LATS2: variants seen among roughly 807,000 people sequenced by gnomAD.
The protein encoded by LATS2 is serine/threonine-protein kinase LATS2.
Under a neutral mutation model 76.0 loss-of-function variants are expected in LATS2, and 24 were observed. That is an observed-to-expected ratio of 0.32 (90% CI 0.23 to 0.44). The LOEUF is 0.44. Among genes scored for constraint, LATS2 ranks in the 20% least tolerant of loss-of-function variants. The pLI is 1.00. For missense variants in LATS2, 1,286 were observed against 1,481.2 expected (o/e 0.87, Z 2.16); for synonymous variants, 692 against 635.4 (o/e 1.09, Z -1.34).
chr13:20,997,604 G>A (rs1870811699), intron 2 of LATS2, among the ~76,000 whole-genome samples: 2 of 152,164 alleles, frequency 1.3e-5, no homozygotes, highest in African/African-American at 4.8e-5. Flanking sequence ...GGGGAAGCTG[G>A]CCTCACCCAG....
chr13:21,002,181 G>A (rs927520461), intron 2 of LATS2, among the ~76,000 whole-genome samples: 1 of 151,884 alleles, frequency 6.6e-6, no homozygotes, highest in Non-Finnish European at 1.5e-5. Context: ...CTAAAGTGCT[G>A]GGATTACACG....
intron 2 of LATS2, among the ~76,000 whole-genome samples, chr13:21,041,474 A>T (rs1872879123): frequency 2.6e-5 from 4 of 152,144 alleles, no homozygotes; most frequent in South Asian, 2.1e-4. Context: ...AAAGTTTTAA[A>T]TCACTTAAAC....
intron 1 of LATS2, among the ~76,000 whole-genome samples, chr13:21,060,590 A>G (rs1873605107): frequency 6.6e-6 from 1 of 151,764 alleles, no homozygotes; most frequent in Non-Finnish European, 1.5e-5. Context: ...GTGGCCTCTG[A>G]GGGGCTGACT....
At chr13:21,000,056 C>T (rs992965466) in intron 2 of LATS2, among the ~76,000 whole-genome samples, 2 of 151,974 alleles carry the variant, frequency 1.3e-5, no homozygotes, top group African/African-American at 2.4e-5. Flanking sequence ...GAGCATTTTA[C>T]AACTATTGTT....
At chr13:21,035,612 C>G (rs572969977) in intron 2 of LATS2, among the ~76,000 whole-genome samples, 2 of 152,198 alleles carry the variant, frequency 1.3e-5, no homozygotes, top group Non-Finnish European at 2.9e-5. Flanking sequence ...AGCAAATAAT[C>G]TCAGCAGTAA....
chr13:20,983,773 G>C lies in LATS2; in HGVS notation c.1933C>G (p.Arg645Gly). Residue 645 changes from arginine to glycine, a missense_variant, in exon 5 of 8, where the codon CGG becomes GGG. Arg to Gly is a moderately radical substitution (Grantham distance 125, BLOSUM62 -2). Coordinates refer to ENST00000382592, the MANE Select transcript of LATS2 (RefSeq NM_014572.3). ...GACTCTTTCTGGTAGAGGATCTTCC[G>C]CATCTGCTCCTGCTCAGCTTCACAG... ...GLCEAEQEQM[R>G]KILYQKESNY... 1.2e-6 allele frequency: 2 copies of C among 1,613,018 alleles called. No homozygotes were observed. Among genetic ancestry groups the C allele is most frequent in the Non-Finnish European group, 8.5e-7 (1 of 1,179,814 alleles).
At chr13:21,057,064 T>C (rs1457833037) in intron 1 of LATS2, among the ~76,000 whole-genome samples, 1 of 152,228 alleles carries the variant, frequency 6.6e-6, no homozygotes, top group Non-Finnish European at 1.5e-5. Context: ...ATGTTGGCCC[T>C]TAGCATTCCT....
chr13:20,989,354 G>T, intron 3 of LATS2, 50 bp from the exon 4 acceptor site: 1 of 1,595,722 alleles, frequency 6.3e-7, no homozygotes, highest in South Asian at 1.1e-5. Context: ...GTGATCAGTG[G>T]GTTCTGGCAC....
In LATS2 at chr13:20,973,572, G is replaced by A. The variant is rs997722038; in HGVS notation, c.*1298C>T. Reference sequence around the variant, plus strand: ...TACATCTATACTTCTAAGAAAATACGTATGGCTTACTTTTTATTTCAATGT... The same window carrying A: ...TACATCTATACTTCTAAGAAAATACATATGGCTTACTTTTTATTTCAATGT... On this transcript the variant is annotated 3_prime_UTR_variant, in exon 8 of 8. Coordinates refer to ENST00000382592, the MANE Select transcript of LATS2 (RefSeq NM_014572.3). 1.3e-5 allele frequency: 3 copies of A among 232,040 alleles called. No individual in the cohort carries two copies. The highest frequency in any genetic ancestry group is 6.6e-5 in the African/African-American group (3 of 45,234). The allele number at this position is 232,040 out of a possible 1,614,324, so 14.4% of individuals were successfully genotyped here.
chr13:20,985,732 C>T (rs60572776), intron 4 of LATS2, among the ~76,000 whole-genome samples: 7,986 of 148,942 alleles, frequency 0.054, 734 homozygotes, highest in African/African-American at 0.19. Context: ...AGCAAGACTC[C>T]GTCTTAATTA....
rs1282138303 is a variant in LATS2 at position 20,988,696 on chromosome 13, A to G, written c.1084T>C (p.Leu362=). 4 of 1,568,456 alleles carry G rather than the reference A, an allele frequency of 2.6e-6. No individual in the cohort carries two copies. Among genetic ancestry groups the G allele is most frequent in the African/African-American group, 2.7e-5 (2 of 73,758 alleles). The change falls in exon 4 of 8, where the codon TTG becomes CTG. Residue 362 remains leucine, a synonymous_variant. Coordinates refer to ENST00000382592, the MANE Select transcript of LATS2 (RefSeq NM_014572.3). ...RNSLNVDLYE[L]GSTSVQQWPA... ...CACTGCTGGACGGAGGTGCTGCCCA[A>G]TTCATACAGGTCCACGTTGAGGCTG...
intron 2 of LATS2, among the ~76,000 whole-genome samples, chr13:20,995,848 T>C (rs1273816068): frequency 1.3e-5 from 2 of 152,234 alleles, no homozygotes; most frequent in Non-Finnish European, 2.9e-5. Context: ...AATGTGTGTA[T>C]CATGCACTAT....
rs899664307 is a variant in LATS2 at position 20,988,407 on chromosome 13, A to G, written c.1373T>C (p.Val458Ala). 1 of 1,413,616 alleles carries G rather than the reference A, an allele frequency of 7.1e-7. No individual in the cohort carries two copies. Among genetic ancestry groups the G allele is most frequent in the Admixed American group, 3.1e-5 (1 of 32,034 alleles). 87.6% of individuals were successfully genotyped at this position (1,413,616 alleles called of 1,614,324 possible). The stretch of plus-strand genomic sequence containing the variant: ...CACCCAGGCGGGGTGCGAGGGCCCC[A>G]CAGCCGTCTGCGGCTCCGGCCTCAG... Reference protein sequence around the residue: ...RVLRPEPQTAVGPSHPAWVPA... With the variant: ...RVLRPEPQTAAGPSHPAWVPA... Residue 458 changes from valine (V) to alanine (A), a missense_variant, in exon 4 of 8, where the codon GTG (valine) becomes GCG (alanine). This residue lies in a region of LATS2 where 710 missense variants were observed against 660.9 expected (regional missense o/e 1.07). Transcript: ENST00000382592.
At position 20,974,936 on chromosome 13, in the gene LATS2, C is replaced by T; in HGVS notation, c.3201G>A (p.Glu1067=). ...KPSGAEASQA[E]SSDLESSDLV... is the part of the protein sequence containing the mutation. ...GATCAGAGCTTTCTAAATCTGAGCTCTCAGCCTGTGAAGCTTCTGCTCCTG... is the reference window on the plus strand; with the variant it reads ...GATCAGAGCTTTCTAAATCTGAGCTTTCAGCCTGTGAAGCTTCTGCTCCTG... Residue 1067 remains glutamate (E), a synonymous_variant, in exon 8 of 8, where the codon GAG becomes GAA. Coordinates refer to ENST00000382592, the MANE Select transcript of LATS2 (RefSeq NM_014572.3). The T allele has an allele frequency of 6.2e-7, 1 of 1,614,166 alleles. No individual in the cohort carries two copies. Among genetic ancestry groups the T allele is most frequent in the South Asian group, 1.1e-5 (1 of 91,078 alleles).
chr13:21,025,373 C>T (rs1160771676), intron 2 of LATS2, among the ~76,000 whole-genome samples: 2 of 118,652 alleles, frequency 1.7e-5, no homozygotes, highest in Non-Finnish European at 3.3e-5. Context: ...GCCTGGGCGA[C>T]AAGAGTGAGA....
intron 2 of LATS2, among the ~76,000 whole-genome samples, chr13:21,035,952 G>A (rs1872673217): frequency 6.6e-6 from 1 of 152,216 alleles, no homozygotes; most frequent in African/African-American, 2.4e-5. Flanking sequence ...AGGCTGGAGT[G>A]CAGTGGCACG....
chr13:21,019,553 G>A (rs1206918662), intron 2 of LATS2, among the ~76,000 whole-genome samples: 2 of 141,378 alleles, frequency 1.4e-5, no homozygotes, highest in African/African-American at 5.2e-5. Flanking sequence ...ATGTTGGCCA[G>A]GCTGGTCTCG....
chr13:21,046,569 G>A (rs960818455), intron 1 of LATS2, among the ~76,000 whole-genome samples: 1 of 152,184 alleles, frequency 6.6e-6, no homozygotes, highest in Non-Finnish European at 1.5e-5. Context: ...ACAGCTTGAG[G>A]AGTATTTAAA....
At chr13:21,043,628 G>T (rs1462150259) in intron 2 of LATS2, among the ~76,000 whole-genome samples, 1 of 152,148 alleles carries the variant, frequency 6.6e-6, no homozygotes, top group African/African-American at 2.4e-5. Context: ...CTTTCTGCTA[G>T]CAATTAACAT....
Sources: gnomAD v4.1 joint callset for allele counts (sites outside exome capture counted in the v4.1 genomes callset) on GRCh38, gnomAD v4.1.1 for gene constraint, gnomAD v4.1.1 regional missense constraint, MANE v1.5 for transcripts, NCBI Gene and HGNC (gene_info 2026-07-23, HGNC 2026-07-21) for gene names.